NSMAF: variants seen among roughly 807,000 people sequenced by gnomAD.
The protein encoded by NSMAF is neutral sphingomyelinase activation associated factor, also known as protein FAN.
A neutral mutation model predicts 134.9 loss-of-function variants in NSMAF; 90 were observed. The observed-to-expected ratio is 0.67, with a 90% CI of 0.56 to 0.79. NSMAF has a LOEUF of 0.79. Among genes scored for constraint, NSMAF ranks in the 30% least tolerant of loss-of-function variants. The pLI, the probability that NSMAF is intolerant of heterozygous loss-of-function variation, is 0.00. For synonymous variants in NSMAF, 358 were observed against 389.6 expected (o/e 0.92, Z 0.96); for missense variants, 1,010 against 1,119.0 (o/e 0.90, Z 1.39).
chr8:58,631,581 A>C, intron 5 of NSMAF, 35 bp from the exon 6 acceptor site: 1 of 1,216,928 alleles, frequency 8.2e-7, no homozygotes, highest in Non-Finnish European at 1.2e-6. Flanking sequence ...TAAAATAATA[A>C]CCAAAATGTT....
intron 5 of NSMAF, among the ~76,000 whole-genome samples, chr8:58,634,109 C>T (rs778472475): frequency 1.9e-4 from 29 of 151,980 alleles, no homozygotes; most frequent in Non-Finnish European, 3.4e-4. Context: ...GGAGGTGGAC[C>T]AGAATTATTA....
At chr8:58,625,145 G>A (rs911295527) in intron 6 of NSMAF, among the ~76,000 whole-genome samples, 2 of 152,088 alleles carry the variant, frequency 1.3e-5, no homozygotes, top group Non-Finnish European at 2.9e-5. Flanking sequence ...TCGAATAAAA[G>A]TCTAAATGGG....
At chr8:58,648,202 G>A (rs1421502196) in intron 1 of NSMAF, among the ~76,000 whole-genome samples, 3 of 152,200 alleles carry the variant, frequency 2.0e-5, no homozygotes, top group Non-Finnish European at 4.4e-5. Flanking sequence ...TTGAACTTAA[G>A]AGTAAGGACT....
At chr8:58,615,162 A>G (rs1056097822) in intron 9 of NSMAF, among the ~76,000 whole-genome samples, 1 of 152,252 alleles carries the variant, frequency 6.6e-6, no homozygotes, top group Non-Finnish European at 1.5e-5. Context: ...ATCTTAATGT[A>G]TATGAATCTA....
chr8:58,615,277 A>C (rs2129143178), intron 9 of NSMAF, among the ~76,000 whole-genome samples: 1 of 152,350 alleles, frequency 6.6e-6, no homozygotes, highest in African/African-American at 2.4e-5. Context: ...CTGATAGCAC[A>C]AGTCAACAAA....
At chr8:58,602,603 C>T (rs1344378845) in intron 13 of NSMAF, among the ~76,000 whole-genome samples, 1 of 152,014 alleles carries the variant, frequency 6.6e-6, no homozygotes, top group Non-Finnish European at 1.5e-5. Flanking sequence ...TTATCTCTTT[C>T]AAGGACAAAG....
intron 1 of NSMAF, among the ~76,000 whole-genome samples, chr8:58,656,729 C>T (rs1807721993): frequency 6.6e-6 from 1 of 151,974 alleles, no homozygotes; most frequent in African/African-American, 2.4e-5. Context: ...ACTTGGGAGG[C>T]TGAGGCAGGA....
intron 9 of NSMAF, among the ~76,000 whole-genome samples, chr8:58,613,068 AC>A (rs1806566830): frequency 6.6e-6 from 1 of 152,252 alleles, no homozygotes; most frequent in African/African-American, 2.4e-5. Flanking sequence ...AATGAATGCC[AC>A]AAAAAGTGTT....
chr8:58,638,546 T>C (rs1807256524), intron 2 of NSMAF, among the ~76,000 whole-genome samples: 1 of 151,924 alleles, frequency 6.6e-6, no homozygotes, highest in Non-Finnish European at 1.5e-5. Context: ...GTTTATTTAA[T>C]AAATGGTGTT....
intron 1 of NSMAF, among the ~76,000 whole-genome samples, chr8:58,648,525 C>T (rs1385816275): frequency 6.6e-6 from 1 of 152,156 alleles, no homozygotes; most frequent in African/African-American, 2.4e-5. Flanking sequence ...TGGGGAAGGC[C>T]TCAAAGTCAT....
chr8:58,584,613 C>A (rs1460428396), intron 30 of NSMAF, among the ~76,000 whole-genome samples: 3 of 152,080 alleles, frequency 2.0e-5, no homozygotes, highest in African/African-American at 7.2e-5. Context: ...ATTAAAGTTA[C>A]TAAGTTGAGA....
chr8:58,598,703 T>C (rs975870739), intron 19 of NSMAF, among the ~76,000 whole-genome samples: 1 of 151,926 alleles, frequency 6.6e-6, no homozygotes, highest in African/African-American at 2.4e-5. Flanking sequence ...TGGGCAAAAG[T>C]CCTCCCTCCT....
chr8:58,630,723 T>C (rs571183695), intron 6 of NSMAF, among the ~76,000 whole-genome samples: 15 of 152,308 alleles, frequency 9.8e-5, no homozygotes, highest in African/African-American at 2.9e-4. Flanking sequence ...ACTTTCTGAC[T>C]AATCAGCACA....
chr8:58,589,762 T>G (rs1443495502), intron 25 of NSMAF, 187 bp from the exon 26 acceptor site: 1 of 686,568 alleles, frequency 1.5e-6, no homozygotes, highest in African/African-American at 1.9e-5. Context: ...GAAATTTCCA[T>G]GTCTGGCTCA....
chr8:58,590,134 TAA>T, intron 24 of NSMAF, 60 bp from the exon 25 acceptor site: 2 of 1,425,264 alleles, frequency 1.4e-6, no homozygotes, highest in Non-Finnish European at 2.0e-6. Flanking sequence ...TCTAACACAG[TAA>T]AGCTATCTTA....
intron 2 of NSMAF, 26 bp downstream of exon 2, chr8:58,642,958 C>T (rs773649372): frequency 8.5e-6 from 13 of 1,531,726 alleles, no homozygotes; most frequent in Non-Finnish European, 1.2e-5. Flanking sequence ...GTTTGTTTGT[C>T]CAAGGAGATA....
chr8:58,596,930 C>CA (rs538263469), intron 21 of NSMAF, among the ~76,000 whole-genome samples: 2,987 of 64,140 alleles, frequency 0.047, 62 homozygotes, highest in Non-Finnish European at 0.062. Flanking sequence ...GACTCCGTCT[C>CA]AAAAAAAAAA....
chr8:58,659,346 T>C, intron 1 of NSMAF: 1 of 1,526,916 alleles, frequency 6.5e-7, no homozygotes. Context: ...TGGCCCGTCA[T>C]CCAGTTCCTG....
chr8:58,638,083 TATGTCACCC>T (rs1376729928), intron 2 of NSMAF, among the ~76,000 whole-genome samples: 8 of 152,230 alleles, frequency 5.3e-5, no homozygotes, highest in Non-Finnish European at 1.0e-4. Flanking sequence ...GGGATCTCAC[TATGTCACCC>T]AGGCTAGAGT....
Sources: allele counts gnomAD v4.1 joint callset (sites outside exome capture counted in the v4.1 genomes callset), GRCh38; gene constraint gnomAD v4.1.1; transcripts MANE v1.5; gene names NCBI Gene and HGNC (gene_info 2026-07-23, HGNC 2026-07-21).